PIK3AP1: variants seen among roughly 807,000 people sequenced by gnomAD.
PIK3AP1 encodes phosphoinositide 3-kinase adapter protein 1.
In PIK3AP1, 21 loss-of-function variants were observed where a neutral mutation model predicts 88.1. The observed-to-expected ratio is 0.24, with a 90% CI of 0.17 to 0.34. PIK3AP1 has a LOEUF of 0.34. Ranked by LOEUF, PIK3AP1 falls within the 10% of genes least tolerant of loss-of-function variation. The pLI, the probability that PIK3AP1 is intolerant of heterozygous loss-of-function variation, is 1.00. For synonymous variants in PIK3AP1, 398 were observed against 400.0 expected (o/e 1.00, Z 0.06); for missense variants, 828 against 1,035.7 (o/e 0.80, Z 2.75).
chr10:96,709,087 G>A (rs576519007), intron 2 of PIK3AP1, among the ~76,000 whole-genome samples: 27 of 136,590 alleles, frequency 2.0e-4, no homozygotes, highest in Non-Finnish European at 3.6e-4. Context: ...CACTGAGATC[G>A]CACCATTGCG....
At chr10:96,610,561 G>GC (rs1849089583) in intron 13 of PIK3AP1, among the ~76,000 whole-genome samples, 1 of 152,102 alleles carries the variant, frequency 6.6e-6, no homozygotes, top group Non-Finnish European at 1.5e-5. Context: ...GGGCTGGGTG[G>GC]CCCACACACA....
At position 96,694,084 on chromosome 10, in the gene PIK3AP1, A is replaced by G. The variant is rs543512118; in HGVS notation, c.430+15483T>C. Among the ~76,000 whole-genome samples, 8 of 152,152 alleles carry G rather than the reference A, an allele frequency of 5.3e-5. No individual in the cohort carries two copies. In the South Asian group the frequency reaches 1.7e-3, roughly 32 times the overall value. On this transcript the variant is annotated intron_variant, in intron 2 of 16. Coordinates refer to ENST00000339364, the MANE Select transcript of PIK3AP1 (RefSeq NM_152309.3). ...GGACAGTCATTTTTTTCTTTAAAGG[A>G]TGCTGTAAGGACCTATCAAAGAGGC...
rs144755983 is a variant in PIK3AP1 at position 96,622,748 on chromosome 10, A to G, written c.1735+724T>C. The stretch of plus-strand genomic sequence containing the variant: ...TGGCTACTTTTCAAAAGAATCCTCA[A>G]TGGGATAATACTGAGTGTTTCTGTT... On this transcript the variant is annotated intron_variant, in intron 11 of 16. Coordinates refer to ENST00000339364, the MANE Select transcript of PIK3AP1 (RefSeq NM_152309.3). 9.6e-4 allele frequency among the ~76,000 whole-genome samples: 146 copies of G among 152,338 alleles called. 2 individuals carry two copies. The East Asian group carries it at 0.025, about 27-fold the overall frequency.
At chr10:96,628,912 A>C (rs1293369477) in intron 8 of PIK3AP1, among the ~76,000 whole-genome samples, 1 of 105,344 alleles carries the variant, frequency 9.5e-6, no homozygotes, top group African/African-American at 3.8e-5. Flanking sequence ...ATATATGTGT[A>C]TATATATATA....
intron 13 of PIK3AP1, among the ~76,000 whole-genome samples, chr10:96,616,086 G>A (rs1373489806): frequency 6.6e-6 from 1 of 152,200 alleles, no homozygotes; most frequent in African/African-American, 2.4e-5. Flanking sequence ...ATGCCACATG[G>A]CTGGCACAGG....
chr10:96,612,970 ATATATATATATATTTTT>A, intron 13 of PIK3AP1, among the ~76,000 whole-genome samples: 2 of 107,196 alleles, frequency 1.9e-5, no homozygotes, highest in African/African-American at 8.8e-5. Flanking sequence ...ATATATATAT[ATATATATATATATTTTT>A]TTTTTTTTTT....
rs779008614 is a variant in PIK3AP1 at position 96,595,606 on chromosome 10, G to A, written c.2389C>T (p.Pro797Ser). The change falls in exon 17 of 17, where the codon CCT (proline) becomes TCT (serine). Residue 797 changes from proline (P) to serine (S), a missense_variant. By Grantham distance (74) the Pro-to-Ser change is moderately conservative. Around this residue, in one of 3 missense-constraint regions of PIK3AP1, gnomAD observed 191 missense variants for 208.6 expected, o/e 0.92. Coordinates refer to ENST00000339364, the MANE Select transcript of PIK3AP1 (RefSeq NM_152309.3). ...CGTCCTCTGGGTGGAACAGGTGGAG[G>A]AGGATGGAAGGTCTCCCTGGTCGGA... ...RPPTRETFHPPPPVPPRGR is the reference protein window; with the variant it reads ...RPPTRETFHPSPPVPPRGR The A allele has an allele frequency of 6.2e-7, 1 of 1,613,412 alleles. No individual in the cohort carries two copies. The highest frequency in any genetic ancestry group is 8.5e-7 in the Non-Finnish European group (1 of 1,179,766).
At chr10:96,639,330 A>T (rs1178873657) in intron 8 of PIK3AP1, among the ~76,000 whole-genome samples, 1 of 152,172 alleles carries the variant, frequency 6.6e-6, no homozygotes. Flanking sequence ...CAGCACTGGG[A>T]TAGGCACTGT....
intron 1 of PIK3AP1, 129 bp from the exon 2 acceptor site, chr10:96,710,112 C>A: frequency 1.3e-6 from 1 of 749,206 alleles, no homozygotes; most frequent in Non-Finnish European, 2.1e-6. Context: ...GTGCCTCCAG[C>A]ACACCAGCAC....
chr10:96,711,032 C>T (rs1463704862), intron 1 of PIK3AP1, among the ~76,000 whole-genome samples: 1 of 152,196 alleles, frequency 6.6e-6, no homozygotes, highest in Non-Finnish European at 1.5e-5. Context: ...CCACACCTGG[C>T]CTATAACATA....
chr10:96,645,740 G>T (rs1843450795), intron 7 of PIK3AP1, 78 bp from the exon 8 acceptor site: 2 of 1,301,494 alleles, frequency 1.5e-6, no homozygotes, highest in Non-Finnish European at 1.1e-6. Context: ...GAAGGCACTT[G>T]TGGCCAGCAA....
chr10:96,608,757 A>T (rs1849047894), intron 14 of PIK3AP1, among the ~76,000 whole-genome samples: 1 of 152,228 alleles, frequency 6.6e-6, no homozygotes, highest in African/African-American at 2.4e-5. Flanking sequence ...TTTGTGATGC[A>T]GAAAAGATTA....
Position 96,626,832 on chromosome 10 carries a change from C to T in PIK3AP1, c.1545G>A (p.Thr515=), listed in dbSNP as rs375373941. The part of the protein sequence containing the change: ...HLGQEEDVYH[T]VDDDEAFSVD... ...CAGAAAAGGCCTCATCGTCATCCAC[C>T]GTGTGATAAACATCTTCTTCCTGAC... Residue 515 remains threonine, a synonymous_variant, in exon 10 of 17, where the codon ACG becomes ACA. Transcript: ENST00000339364. 38 of 1,614,038 alleles carry T rather than the reference C, an allele frequency of 2.4e-5. No homozygotes were observed. Among genetic ancestry groups the T allele is most frequent in the Non-Finnish European group, 3.1e-5 (36 of 1,179,958 alleles).
chr10:96,677,978 G>A (rs1006155043), intron 2 of PIK3AP1, among the ~76,000 whole-genome samples: 7 of 152,082 alleles, frequency 4.6e-5, no homozygotes, highest in Non-Finnish European at 7.4e-5. Context: ...TTTATTTTTA[G>A]AGACAAAGTC....
At position 96,645,548 on chromosome 10, in the gene PIK3AP1, A is replaced by G; in HGVS notation, c.1300T>C (p.Ser434Pro). 6.2e-7 allele frequency: 1 copy of G among 1,614,086 alleles called. No homozygotes were observed. The highest frequency in any genetic ancestry group is 8.5e-7 in the Non-Finnish European group (1 of 1,179,990). ...HLSTDLLMKC[S>P]LNPGCDEDLY... ...TCCTCGTCACAGCCGGGGTTGAGCG[A>G]GCATTTCATAAGCAGGTCTGTGGAA... Residue 434 changes from serine (S) to proline (P), a missense_variant, in exon 8 of 17, where the codon TCG becomes CCG. This residue lies in a region of PIK3AP1 where 610 missense variants were observed against 760.1 expected (regional missense o/e 0.80). Coordinates refer to ENST00000339364, the MANE Select transcript of PIK3AP1 (RefSeq NM_152309.3).
At position 96,648,912 on chromosome 10, in the gene PIK3AP1, C is replaced by G. The variant is rs1190999270; in HGVS notation, c.989-57G>C. On this transcript the variant is annotated intron_variant, in intron 6 of 16. Coordinates refer to ENST00000339364, the MANE Select transcript of PIK3AP1 (RefSeq NM_152309.3). The stretch of plus-strand genomic sequence containing the variant: ...GATAAAAATAAAGGCACAGGGTGCC[C>G]TTGTTCATGGAGATGAAGCTGCCAA... 6 of 1,415,908 alleles carry G rather than the reference C, an allele frequency of 4.2e-6. No homozygotes were observed. The African/African-American group carries it at 4.4e-5, about 10-fold the overall frequency. 87.7% of individuals were successfully genotyped at this position (1,415,908 alleles called of 1,614,324 possible).
chr10:96,660,338 TG>T, intron 2 of PIK3AP1, among the ~76,000 whole-genome samples: 1 of 152,184 alleles, frequency 6.6e-6, no homozygotes, highest in South Asian at 2.1e-4. Context: ...ATAAGACACA[TG>T]GATGGCAAAG....
rs200215506 is a variant in PIK3AP1, at chr10:96,598,215, TTTTG to T, written c.2361-2585_2361-2582del. ...CACACCACCACACCTGGCTAATTTTTTTTGTTTGTTTGTTTTGTAGAGATGGGAT... is the reference window on the plus strand; with the variant it reads ...CACACCACCACACCTGGCTAATTTTTTTTGTTTGTTTTGTAGAGATGGGAT... On this transcript the variant is annotated intron_variant, in intron 16 of 16. Transcript: ENST00000339364. Among the ~76,000 whole-genome samples the T allele has an allele frequency of 9.3e-4, 142 of 152,002 alleles. 1 individual carries two copies. The East Asian group carries it at 0.022, about 24-fold the overall frequency.
At chr10:96,696,914 A>G (rs1844228878) in intron 2 of PIK3AP1, among the ~76,000 whole-genome samples, 1 of 152,228 alleles carries the variant, frequency 6.6e-6, no homozygotes, top group South Asian at 2.1e-4. Flanking sequence ...CCAGTAATGA[A>G]ATGCAAGGTA....
Sources: allele counts gnomAD v4.1 joint callset (sites outside exome capture counted in the v4.1 genomes callset), GRCh38; gene constraint gnomAD v4.1.1; regional missense constraint gnomAD v4.1.1; transcripts MANE v1.5; gene names NCBI Gene and HGNC (gene_info 2026-07-23, HGNC 2026-07-21).